SMOC2: variants seen among roughly 807,000 people sequenced by gnomAD.
SMOC2 encodes SPARC-related modular calcium-binding protein 2.
A neutral mutation model predicts 61.4 loss-of-function variants in SMOC2; 39 were observed. The ratio of observed to expected loss-of-function variants is 0.64; its 90% confidence interval spans 0.49 to 0.83. The LOEUF (loss-of-function observed/expected upper bound fraction) is 0.83, where lower values mean the gene tolerates loss of function less well. Ranked by LOEUF, SMOC2 falls within the 40% of genes least tolerant of loss-of-function variation. The pLI, the probability that SMOC2 is intolerant of heterozygous loss-of-function variation, is 0.00. For synonymous variants in SMOC2, 247 were observed against 239.9 expected (o/e 1.03, Z -0.27); for missense variants, 556 against 592.9 (o/e 0.94, Z 0.65).
At chr6:168,591,394 A>G (rs1169079128) in intron 7 of SMOC2, among the ~76,000 whole-genome samples, 5 of 152,240 alleles carry the variant, frequency 3.3e-5, no homozygotes, top group Admixed American at 2.6e-4. Context: ...GTTATACTAC[A>G]GAATTATTAC....
At chr6:168,487,730 T>A (rs1202319497) in intron 1 of SMOC2, among the ~76,000 whole-genome samples, 1 of 152,144 alleles carries the variant, frequency 6.6e-6, no homozygotes, top group African/African-American at 2.4e-5. Context: ...CTCAAACTCC[T>A]GACTTCAGGT....
chr6:168,576,418 T>C (rs918632729), intron 7 of SMOC2, among the ~76,000 whole-genome samples: 1 of 152,126 alleles, frequency 6.6e-6, no homozygotes, highest in African/African-American at 2.4e-5. Flanking sequence ...AGCAGATGGC[T>C]GACATCGCAG....
chr6:168,613,220 G>A lies in SMOC2; in HGVS notation c.907+4981G>A, dbSNP rs150911260. 4.1e-3 allele frequency among the ~76,000 whole-genome samples: 617 copies of A among 152,258 alleles called. 4 individuals carry two copies. The highest frequency in any genetic ancestry group is 0.014 in the African/African-American group (602 of 41,540). On this transcript the variant is annotated intron_variant, in intron 9 of 12. Coordinates refer to ENST00000356284, the MANE Select transcript of SMOC2 (RefSeq NM_001166412.2). ...ACCCCAAAGGCAGCACAGGAGCTGG[G>A]CCCTGGGGGTCAGGAAGGTGCAGGG...
chr6:168,441,199 TG>T lies in SMOC2; in HGVS notation c.-169del. 1 of 981,464 alleles carries T rather than the reference TG, an allele frequency of 1.0e-6. No homozygotes were observed. The highest frequency in any genetic ancestry group is 1.4e-6 in the Non-Finnish European group (1 of 734,032). The allele number at this position is 981,464 out of a possible 1,614,324, so 60.8% of individuals were successfully genotyped here. ...GGACGCAAAGAACGCGGAGGACCTC[TG>T]GGTGCCTGCAGGGGAGCTGCTCCAG... On this transcript the variant is annotated 5_prime_UTR_variant, in exon 1 of 13. Transcript: ENST00000356284.
chr6:168,639,702 C>T (rs1786842374), intron 9 of SMOC2, among the ~76,000 whole-genome samples: 1 of 152,086 alleles, frequency 6.6e-6, no homozygotes. Context: ...CGTTCGATTC[C>T]ATCATCAGGT....
Position 168,510,023 on chromosome 6 carries a change from G to C in SMOC2, c.193G>C (p.Glu65Gln), listed in dbSNP as rs1782969733. The C allele has an allele frequency of 6.8e-6, 11 of 1,614,096 alleles. No homozygotes were observed. The highest frequency in any genetic ancestry group is 7.6e-6 in the Non-Finnish European group (9 of 1,180,050). Residue 65 changes from glutamate (E) to glutamine (Q), a missense_variant, in exon 2 of 13, where the codon GAA (glutamate) becomes CAA (glutamine). Coordinates refer to ENST00000356284, the MANE Select transcript of SMOC2 (RefSeq NM_001166412.2). ...CGGAAGGACCTTCCTTTCCCGTTGT[G>C]AATTTCAACGTGCCAAGTGCAAAGA... ...SDGRTFLSRC[E>Q]FQRAKCKDPQ...
intron 1 of SMOC2, among the ~76,000 whole-genome samples, chr6:168,503,627 G>A (rs56741593): frequency 2.0e-5 from 3 of 152,154 alleles, no homozygotes; most frequent in Non-Finnish European, 4.4e-5. Context: ...TTACAGATTA[G>A]CAAATTGAGT....
chr6:168,638,161 T>C (rs1280301060), intron 9 of SMOC2, among the ~76,000 whole-genome samples: 4 of 150,902 alleles, frequency 2.7e-5, no homozygotes, highest in Non-Finnish European at 3.0e-5. Flanking sequence ...GCACAGTTCA[T>C]GGGACACCGT....
At chr6:168,444,717 A>G (rs553494574) in intron 1 of SMOC2, among the ~76,000 whole-genome samples, 7 of 152,276 alleles carry the variant, frequency 4.6e-5, no homozygotes, top group African/African-American at 1.7e-4. Context: ...TGAGGGAATG[A>G]TCTCTAGTAT....
rs377496273 is a variant in SMOC2 at position 168,574,266 on chromosome 6, G to A, written c.638-24552G>A. Reference sequence around the variant, plus strand: ...CTGAGCATGCTCATGGGCAGGGCGGGTAGGTCGAAGGCTGCTCCAGGACCC... The same window carrying A: ...CTGAGCATGCTCATGGGCAGGGCGGATAGGTCGAAGGCTGCTCCAGGACCC... On this transcript the variant is annotated intron_variant, in intron 7 of 12. Transcript: ENST00000356284. 1.7e-4 allele frequency among the ~76,000 whole-genome samples: 26 copies of A among 152,314 alleles called. No individual in the cohort carries two copies. The East Asian group carries it at 4.7e-3, about 27-fold the overall frequency.
chr6:168,600,433 A>AAC (rs1785518811), intron 8 of SMOC2, among the ~76,000 whole-genome samples: 1 of 48,882 alleles, frequency 2.0e-5, no homozygotes. Flanking sequence ...AAAAAAAAAA[A>AAC]CAAAAAAAAA....
Position 168,509,023 on chromosome 6 carries a change from C to T in SMOC2, c.85-892C>T, listed in dbSNP as rs192422494. 2.0e-3 allele frequency among the ~76,000 whole-genome samples: 311 copies of T among 152,022 alleles called. 1 individual carries two copies. The highest frequency in any genetic ancestry group is 7.1e-3 in the African/African-American group (292 of 41,340). On this transcript the variant is annotated intron_variant, in intron 1 of 12. Transcript: ENST00000356284. ...AGCTTCACCTTGGTGTCTGGTGTTT[C>T]GTCTGGCCTGATGGAGGCCTGGACG...
chr6:168,625,385 A>C (rs1329913930), intron 9 of SMOC2, among the ~76,000 whole-genome samples: 1 of 152,200 alleles, frequency 6.6e-6, no homozygotes, highest in African/African-American at 2.4e-5. Context: ...AGCAGAGAGC[A>C]CTGGGTCCAG....
chr6:168,509,992 A>T lies in SMOC2; in HGVS notation c.162A>T (p.Ala54=). 1 of 1,614,200 alleles carries T rather than the reference A, an allele frequency of 6.2e-7. No homozygotes were observed. Among genetic ancestry groups the T allele is most frequent in the Non-Finnish European group, 8.5e-7 (1 of 1,180,028 alleles). Residue 54 remains alanine, a synonymous_variant, in exon 2 of 13, where the codon GCA becomes GCT. Transcript: ENST00000356284. ...CAGSPQKPLC[A]SDGRTFLSRC... ...GTTCGCCCCAGAAACCTCTCTGCGCATCTGACGGAAGGACCTTCCTTTCCC... is the reference window on the plus strand; with the variant it reads ...GTTCGCCCCAGAAACCTCTCTGCGCTTCTGACGGAAGGACCTTCCTTTCCC...
At chr6:168,643,241 A>C (rs1237099987) in intron 9 of SMOC2, among the ~76,000 whole-genome samples, 2 of 152,166 alleles carry the variant, frequency 1.3e-5, no homozygotes, top group Non-Finnish European at 2.9e-5. Flanking sequence ...GAGCACTGTC[A>C]CACTTTAAAA....
chr6:168,498,759 C>A (rs9456135), intron 1 of SMOC2, among the ~76,000 whole-genome samples: 4,262 of 93,350 alleles, frequency 0.046, 1 homozygote, highest in Non-Finnish European at 0.069. Flanking sequence ...CTGTCTACTG[C>A]ACATGGAAAC....
At chr6:168,655,426 C>T in intron 11 of SMOC2, 1 of 456,504 alleles carries the variant, frequency 2.2e-6, no homozygotes, top group Non-Finnish European at 4.4e-6. Context: ...TGGCCAGAGC[C>T]CAGATGTTCT....
intron 1 of SMOC2, among the ~76,000 whole-genome samples, chr6:168,474,818 C>G (rs1260551982): frequency 6.6e-6 from 1 of 152,096 alleles, no homozygotes; most frequent in Non-Finnish European, 1.5e-5. Context: ...ATGACACGTC[C>G]TTAACCTTTT....
intron 7 of SMOC2, among the ~76,000 whole-genome samples, chr6:168,592,253 T>A (rs1785198772): frequency 1.3e-5 from 2 of 152,204 alleles, no homozygotes; most frequent in Non-Finnish European, 2.9e-5. Context: ...CCTTCATGCT[T>A]CCTAAGGCCT....
Sources: allele counts gnomAD v4.1 joint callset (sites outside exome capture counted in the v4.1 genomes callset), GRCh38; gene constraint gnomAD v4.1.1; transcripts MANE v1.5; gene names NCBI Gene and HGNC (gene_info 2026-07-23, HGNC 2026-07-21).